Variants in CCDC102B observed in about 807,000 individuals in gnomAD.
CCDC102B encodes the protein coiled-coil domain-containing protein 102B.
Under a neutral mutation model 57.4 loss-of-function variants are expected in CCDC102B, and 75 were observed. The ratio of observed to expected loss-of-function variants is 1.31; its 90% CI spans 1.08 to 1.58. CCDC102B has a LOEUF of 1.58. CCDC102B is among the 40% of genes most tolerant of loss of function. The probability of loss-of-function intolerance (pLI) is 0.00; values close to 1 mark genes in which losing one functional copy is unlikely to be tolerated. For missense variants in CCDC102B, 636 were observed against 582.6 expected (o/e 1.09, Z -0.94); for synonymous variants, 206 against 201.9 (o/e 1.02, Z -0.17).
At chr18:69,053,671 C>T (rs1323646920) in intron 7 of CCDC102B, among the ~76,000 whole-genome samples, 1 of 151,484 alleles carries the variant, frequency 6.6e-6, no homozygotes, top group East Asian at 1.9e-4. Context: ...TTTATTTCAA[C>T]TACTTTTTTT....
chr18:68,766,128 C>T (rs1224921795), intron 2 of CCDC102B, among the ~76,000 whole-genome samples: 1 of 152,012 alleles, frequency 6.6e-6, no homozygotes, highest in Non-Finnish European at 1.5e-5. Flanking sequence ...TAAGTTTATT[C>T]TTAAATATCA....
chr18:69,041,329 C>T (rs2052428988), intron 7 of CCDC102B, among the ~76,000 whole-genome samples: 1 of 151,996 alleles, frequency 6.6e-6, no homozygotes, highest in Admixed American at 6.6e-5. Flanking sequence ...TAAATTTTAC[C>T]AGTTCCCCTT....
chr18:68,861,298 T>G (rs1194460694), intron 4 of CCDC102B, among the ~76,000 whole-genome samples: 1 of 15,000 alleles, frequency 6.7e-5, no homozygotes, highest in Non-Finnish European at 1.2e-4. Flanking sequence ...AGTTTAAATG[T>G]TTTTTTTTTC....
chr18:68,857,258 A>ATATATT (rs2038479206), intron 4 of CCDC102B, among the ~76,000 whole-genome samples: 1 of 44,542 alleles, frequency 2.2e-5, no homozygotes, highest in Non-Finnish European at 5.0e-5. Context: ...TTATTATTTA[A>ATATATT]ATATATAAAT....
rs575607259 is a variant in CCDC102B at position 68,983,457 on chromosome 18, C to G, written c.1264-27477C>G. Among the ~76,000 whole-genome samples the G allele has an allele frequency of 1.2e-4, 18 of 152,034 alleles. No individual in the cohort carries two copies. In the Middle Eastern group the frequency reaches 0.01, roughly 86 times the overall value. ...GTATGAGCTGACTATAAAATTCACA[C>G]AACATTTGGCTGGTTGGCTATATGA... is the stretch of plus-strand genomic sequence containing the variant. On this transcript the variant is annotated intron_variant, in intron 6 of 7. Transcript: ENST00000360242.
intron 7 of CCDC102B, among the ~76,000 whole-genome samples, chr18:69,022,808 G>A (rs1178133537): frequency 6.6e-6 from 1 of 151,904 alleles, no homozygotes; most frequent in East Asian, 1.9e-4. Flanking sequence ...TTTAATTTAT[G>A]TTTACCCTGT....
At chr18:68,952,985 C>T (rs1429935032) in intron 6 of CCDC102B, among the ~76,000 whole-genome samples, 2 of 151,892 alleles carry the variant, frequency 1.3e-5, no homozygotes, top group South Asian at 2.1e-4. Flanking sequence ...AAAGAAATGA[C>T]CATCAAAAAC....
At chr18:68,844,637 C>T (rs1373603159) in intron 3 of CCDC102B, among the ~76,000 whole-genome samples, 1 of 151,794 alleles carries the variant, frequency 6.6e-6, no homozygotes, top group Non-Finnish European at 1.5e-5. Context: ...ACTTAAAATG[C>T]ACTCAAATGT....
At chr18:68,911,579 C>A (rs1029303429) in intron 6 of CCDC102B, among the ~76,000 whole-genome samples, 1 of 147,718 alleles carries the variant, frequency 6.8e-6, no homozygotes, top group South Asian at 2.2e-4. Context: ...GGTGAAACCC[C>A]GTCTCTACTA....
intron 6 of CCDC102B, among the ~76,000 whole-genome samples, chr18:68,930,500 A>C (rs538573672): frequency 6.6e-6 from 1 of 152,016 alleles, no homozygotes; most frequent in East Asian, 1.9e-4. Flanking sequence ...CAGGTGTGCT[A>C]TAGGTGGTTG....
intron 6 of CCDC102B, among the ~76,000 whole-genome samples, chr18:68,975,564 T>G (rs879659383): frequency 2.6e-5 from 4 of 152,020 alleles, no homozygotes; most frequent in Non-Finnish European, 4.4e-5. Flanking sequence ...ATTTGTTGTA[T>G]TAACGGGGCA....
intron 7 of CCDC102B, among the ~76,000 whole-genome samples, chr18:69,053,814 A>T (rs959461052): frequency 2.6e-5 from 4 of 151,946 alleles, no homozygotes; most frequent in Non-Finnish European, 5.9e-5. Flanking sequence ...ATGATATACA[A>T]CATGATGTTT....
At chr18:69,030,056 ATTTT>A (rs138906247) in intron 7 of CCDC102B, among the ~76,000 whole-genome samples, 4,951 of 152,126 alleles carry the variant, frequency 0.033, 282 homozygotes, top group African/African-American at 0.11. Context: ...GGAAAAAATT[ATTTT>A]TTTCTTTATA....
intron 1 of CCDC102B, among the ~76,000 whole-genome samples, chr18:68,798,646 T>A (rs1411639334): frequency 6.6e-6 from 1 of 152,278 alleles, no homozygotes; most frequent in East Asian, 1.9e-4. Context: ...AATTGTTGAG[T>A]CTTCATGCTA....
chr18:68,990,045 C>T (rs1568105705), intron 6 of CCDC102B, among the ~76,000 whole-genome samples: 1 of 152,200 alleles, frequency 6.6e-6, no homozygotes. Flanking sequence ...CACACTCATA[C>T]ATTCATTCGT....
At chr18:68,812,238 TA>T (rs1354942625) in intron 1 of CCDC102B, among the ~76,000 whole-genome samples, 1 of 151,718 alleles carries the variant, frequency 6.6e-6, no homozygotes, top group African/African-American at 2.4e-5. Flanking sequence ...TTATTTTATA[TA>T]AAAATATATT....
Position 68,836,974 on chromosome 18 carries a change from G to A in CCDC102B, c.211G>A (p.Glu71Lys). 6.2e-7 allele frequency: 1 copy of A among 1,614,152 alleles called. No individual in the cohort carries two copies. Among genetic ancestry groups the A allele is most frequent in the Non-Finnish European group, 8.5e-7 (1 of 1,180,024 alleles). Residue 71 changes from glutamate to lysine, a missense_variant, in exon 2 of 8, where the codon GAA becomes AAA. Coordinates refer to ENST00000360242, the MANE Select transcript of CCDC102B (RefSeq NM_024781.3). ...SYNTNKWDIC[E>K]ELRLRELEEV... is the part of the protein sequence containing the mutation. ...TAACACCAACAAATGGGATATTTGTGAAGAACTTCGCCTGCGGGAGCTTGA... is the reference window on the plus strand; with the variant it reads ...TAACACCAACAAATGGGATATTTGTAAAGAACTTCGCCTGCGGGAGCTTGA...
intron 2 of CCDC102B, among the ~76,000 whole-genome samples, chr18:68,728,169 A>G (rs973942243): frequency 2.6e-5 from 4 of 152,074 alleles, no homozygotes; most frequent in Non-Finnish European, 5.9e-5. Flanking sequence ...ATACTACTGG[A>G]CTCTGCTGAA....
intron 6 of CCDC102B, among the ~76,000 whole-genome samples, chr18:68,942,711 G>C (rs1239765838): frequency 2.0e-5 from 3 of 151,958 alleles, no homozygotes; most frequent in African/African-American, 4.8e-5. Flanking sequence ...GTTTTACATG[G>C]AGACATTCCA....
Sources: gnomAD v4.1 joint callset for allele counts (sites outside exome capture counted in the v4.1 genomes callset) on GRCh38, gnomAD v4.1.1 for gene constraint, MANE v1.5 for transcripts, NCBI Gene and HGNC (gene_info 2026-07-23, HGNC 2026-07-21) for gene names.